Variants in ANK3 observed in about 807,000 individuals in gnomAD.
The protein encoded by ANK3 is ankyrin 3.
Under a neutral mutation model 370.9 loss-of-function variants are expected in ANK3, and 57 were observed. That is an observed-to-expected ratio of 0.15 (90% CI 0.12 to 0.19). The LOEUF (loss-of-function observed/expected upper bound fraction) is 0.19, where lower values mean the gene tolerates loss of function less well. Among genes scored for constraint, ANK3 ranks in the 10% least tolerant of loss-of-function variants. The probability of loss-of-function intolerance (pLI) is 1.00; values close to 1 mark genes in which losing one functional copy is unlikely to be tolerated. For missense variants in ANK3, 4,439 were observed against 5,302.1 expected (o/e 0.84, Z 5.06); for synonymous variants, 1,929 against 1,946.3 (o/e 0.99, Z 0.23).
chr10:60,204,293 AG>A (rs2132429267), intron 11 of ANK3, among the ~76,000 whole-genome samples: 1 of 152,322 alleles, frequency 6.6e-6, no homozygotes, highest in Admixed American at 6.5e-5. Context: ...TAAAGCTCTT[AG>A]GGAACAGAGA....
intron 2 of ANK3, among the ~76,000 whole-genome samples, chr10:60,414,424 C>T (rs970905904): frequency 9.2e-5 from 14 of 152,028 alleles, no homozygotes; most frequent in Non-Finnish European, 1.6e-4. Context: ...CAATGAAGAT[C>T]GATCTTCAGT....
At chr10:60,580,895 T>A (rs993016613) in intron 2 of ANK3, among the ~76,000 whole-genome samples, 6 of 152,190 alleles carry the variant, frequency 3.9e-5, no homozygotes, top group African/African-American at 1.4e-4. Context: ...TCTCTACCTA[T>A]AAGGGAGAAG....
At chr10:60,604,238 T>C (rs139798566) in intron 2 of ANK3, among the ~76,000 whole-genome samples, 59 of 152,306 alleles carry the variant, frequency 3.9e-4, no homozygotes, top group African/African-American at 1.3e-3. Flanking sequence ...GTTTTCTTAA[T>C]AAGATAGTAG....
At chr10:60,463,679 T>TAAAA (rs11374773) in intron 2 of ANK3, among the ~76,000 whole-genome samples, 3 of 146,234 alleles carry the variant, frequency 2.1e-5, no homozygotes. Context: ...CAATCTTGCT[T>TAAAA]AAAAAAAAAA....
intron 12 of ANK3, among the ~76,000 whole-genome samples, chr10:60,202,270 C>T (rs984402247): frequency 4.6e-5 from 7 of 151,790 alleles, no homozygotes; most frequent in East Asian, 3.9e-4. Flanking sequence ...TACAGGCATG[C>T]GCCACCATGC....
Position 60,327,792 on chromosome 10 carries a change from G to A in ANK3, c.115-48153C>T, listed in dbSNP as rs140396825. On this transcript the variant is annotated intron_variant, in intron 1 of 43. Transcript: ENST00000280772. ...AATTAACAGGTCAGATTTAAAAAAT[G>A]CCAGTTCTCTAGGGCCACTCATTGG... 1.9e-3 allele frequency among the ~76,000 whole-genome samples: 295 copies of A among 152,290 alleles called. 2 individuals carry two copies. The highest frequency in any genetic ancestry group is 0.017 in the Middle Eastern group (5 of 294).
intron 1 of ANK3, among the ~76,000 whole-genome samples, chr10:60,320,905 T>C (rs1321473028): frequency 6.6e-6 from 1 of 152,112 alleles, no homozygotes; most frequent in East Asian, 1.9e-4. Flanking sequence ...TGGGTATGTG[T>C]AGGGTGACAA....
In ANK3 at chr10:60,279,624, T is replaced by C; in HGVS notation, c.130A>G (p.Ser44Gly). ...DRKKKSDANA[S>G]YLRAARAGHL... ...CCAGCTCGAGCTGCTCTTAAGTAAC[T>C]TGCATTGGCATCAGACTAAAATAAA... The change falls in exon 2 of 44, where the codon AGT (serine) becomes GGT (glycine). Residue 44 changes from serine (S) to glycine (G), a missense_variant. Physicochemically the swap from Ser to Gly is moderately conservative, Grantham distance 56. Around this residue, in one of 13 missense-constraint regions of ANK3, gnomAD observed 54 missense variants for 52.7 expected, o/e 1.02. Coordinates refer to ENST00000280772, the MANE Select transcript of ANK3 (RefSeq NM_020987.5). 6.2e-7 allele frequency: 1 copy of C among 1,610,920 alleles called. No individual in the cohort carries two copies. Among genetic ancestry groups the C allele is most frequent in the South Asian group, 1.1e-5 (1 of 90,188 alleles).
At chr10:60,245,675 C>T (rs1385655809) in intron 7 of ANK3, among the ~76,000 whole-genome samples, 1 of 152,180 alleles carries the variant, frequency 6.6e-6, no homozygotes, top group African/African-American at 2.4e-5. Context: ...CTTATCAGTA[C>T]TTTATTTCTT....
At chr10:60,067,280 A>C (rs906939064) in intron 38 of ANK3, among the ~76,000 whole-genome samples, 1 of 152,242 alleles carries the variant, frequency 6.6e-6, no homozygotes, top group Non-Finnish European at 1.5e-5. Flanking sequence ...AAAAATTTTT[A>C]ATTCAAAATT....
intron 23 of ANK3, among the ~76,000 whole-genome samples, chr10:60,157,537 A>T (rs1443352537): frequency 6.6e-6 from 1 of 151,916 alleles, no homozygotes; most frequent in East Asian, 1.9e-4. Context: ...GAGTCTCCCT[A>T]TGTTGCCCAA....
intron 2 of ANK3, among the ~76,000 whole-genome samples, chr10:60,480,893 C>A (rs1341552202): frequency 6.6e-6 from 1 of 152,166 alleles, no homozygotes; most frequent in Non-Finnish European, 1.5e-5. Context: ...TCCTTTCATG[C>A]ATCATTATAG....
At chr10:60,051,596 A>C in intron 42 of ANK3, 2 of 901,318 alleles carry the variant, frequency 2.2e-6, no homozygotes, top group Non-Finnish European at 2.7e-6. Flanking sequence ...TTTTACCATC[A>C]CACTTAAAAT....
At chr10:60,528,240 G>A (rs930925534) in intron 2 of ANK3, among the ~76,000 whole-genome samples, 2 of 148,516 alleles carry the variant, frequency 1.3e-5, no homozygotes, top group African/African-American at 2.5e-5. Context: ...GGGTTCAAGC[G>A]ATTCTCCTGC....
intron 1 of ANK3, among the ~76,000 whole-genome samples, chr10:60,306,428 C>CATATATATATATATATAT (rs753175801): frequency 1.1e-4 from 12 of 112,030 alleles, no homozygotes; most frequent in African/African-American, 4.6e-4. Flanking sequence ...GGTGTATGTG[C>CATATATATATATATATAT]ATATATATAT....
rs553415797 is a variant in ANK3 at position 60,626,977 on chromosome 10, A to T, written c.58-11753T>A. Among the ~76,000 whole-genome samples, 10 of 152,204 alleles carry T rather than the reference A, an allele frequency of 6.6e-5. No homozygotes were observed. The East Asian group carries it at 1.7e-3, about 26-fold the overall frequency. On this transcript the variant is annotated intron_variant, in intron 1 of 43. Coordinates refer to the ANK3 transcript ENST00000373827. ...GATCATGAGATTGGAGGAAGGAAAT[A>T]AAAAACCCTGGAAAAGATAGGAGGG...
At chr10:60,706,790 T>C (rs913566538) in intron 1 of ANK3, among the ~76,000 whole-genome samples, 1 of 152,198 alleles carries the variant, frequency 6.6e-6, no homozygotes, top group African/African-American at 2.4e-5. Context: ...AGTAGACAAA[T>C]TGTTCAGGTT....
At chr10:60,364,756 G>C (rs2059164054) in intron 1 of ANK3, among the ~76,000 whole-genome samples, 1 of 151,846 alleles carries the variant, frequency 6.6e-6, no homozygotes, top group Non-Finnish European at 1.5e-5. Flanking sequence ...CTAGTAAACT[G>C]TTTCCTAATG....
intron 28 of ANK3, among the ~76,000 whole-genome samples, chr10:60,091,866 G>T (rs1222841878): frequency 6.6e-6 from 1 of 152,030 alleles, no homozygotes; most frequent in East Asian, 1.9e-4. Flanking sequence ...GAGTAGCTGG[G>T]ACTACAGGCA....
Sources: gnomAD v4.1 joint callset for allele counts (sites outside exome capture counted in the v4.1 genomes callset) on GRCh38, gnomAD v4.1.1 for gene constraint, gnomAD v4.1.1 regional missense constraint, MANE v1.5 for transcripts, NCBI Gene and HGNC (gene_info 2026-07-23, HGNC 2026-07-21) for gene names.